The following KIAA1958 variants were observed in gnomAD, a reference collection of about 807,000 sequenced individuals.
KIAA1958 encodes KIAA1958, also known as uncharacterized protein KIAA1958.
Under a neutral mutation model 47.2 loss-of-function variants are expected in KIAA1958, and 14 were observed. The observed-to-expected ratio is 0.30, with a 90% CI of 0.20 to 0.46. KIAA1958 has a LOEUF of 0.46. Among genes scored for constraint, KIAA1958 ranks in the 20% least tolerant of loss-of-function variants. KIAA1958 has a pLI of 1.00. For missense variants in KIAA1958, 803 were observed against 909.2 expected (o/e 0.88, Z 1.50); for synonymous variants, 354 against 353.3 (o/e 1.00, Z -0.02).
In KIAA1958 at chr9:112,660,139, C is replaced by T; in HGVS notation, c.*70C>T. On this transcript the variant is annotated 3_prime_UTR_variant, in exon 4 of 4. Transcript: ENST00000337530. ...AGCCAGGGTTGGAGCAGCTGGAGCT[C>T]CTTGGAGGCAGGGGCTGACCAGGTG... The T allele has an allele frequency of 7.0e-7, 1 of 1,423,206 alleles. No homozygotes were observed. The highest frequency in any genetic ancestry group is 9.7e-7 in the Non-Finnish European group (1 of 1,032,798). 88.2% of individuals were successfully genotyped at this position (1,423,206 alleles called of 1,614,324 possible). A position where few individuals can be genotyped will look rare whatever the true frequency, so the allele number is the denominator to read the frequency against.
chr9:112,498,499 A>C (rs1201250006), intron 1 of KIAA1958, among the ~76,000 whole-genome samples: 1 of 152,212 alleles, frequency 6.6e-6, no homozygotes, highest in Non-Finnish European at 1.5e-5. Flanking sequence ...TAAAATCCAT[A>C]AAATTCACGG....
At chr9:112,651,958 A>G (rs181452427) in intron 3 of KIAA1958, among the ~76,000 whole-genome samples, 113 of 152,298 alleles carry the variant, frequency 7.4e-4, no homozygotes, top group African/African-American at 2.7e-3. Flanking sequence ...GAAATAAAAA[A>G]TATGCTCAAG....
In KIAA1958 at chr9:112,659,326, G is replaced by A. The variant is rs1471669918; in HGVS notation, c.1408G>A (p.Gly470Ser). ...TTATGTCACCGTCAAGAAGAGCGAC[G>A]GCTCGGACTTCCTGGCCACCTCGCT... ...NFYVTVKKSD[G>S]SDFLATSLHA... The change falls in exon 4 of 4, where the codon GGC becomes AGC. Residue 470 changes from glycine (G) to serine (S), a missense_variant. This residue lies in a region of KIAA1958 where 761 missense variants were observed against 829.3 expected (regional missense o/e 0.92). Transcript: ENST00000337530. The A allele has an allele frequency of 8.1e-6, 13 of 1,613,914 alleles. No homozygotes were observed. The Admixed American group carries it at 1.8e-4, about 23-fold the overall frequency.
At chr9:112,512,724 G>C (rs1834343616) in intron 1 of KIAA1958, among the ~76,000 whole-genome samples, 1 of 151,624 alleles carries the variant, frequency 6.6e-6, no homozygotes, top group African/African-American at 2.4e-5. Context: ...GTCTAGCAGG[G>C]GAGACAAGTT....
chr9:112,514,388 C>T (rs1587996170), intron 1 of KIAA1958, among the ~76,000 whole-genome samples: 1 of 33,128 alleles, frequency 3.0e-5, no homozygotes, highest in Non-Finnish European at 5.4e-5. Context: ...CCGTGCCATC[C>T]GGGAGGGAGG....
intron 1 of KIAA1958, among the ~76,000 whole-genome samples, chr9:112,498,075 G>A (rs1834074680): frequency 6.6e-6 from 1 of 152,116 alleles, no homozygotes; most frequent in Non-Finnish European, 1.5e-5. Context: ...ATTTGTTGCA[G>A]GGAGTTTAAT....
chr9:112,596,154 C>G (rs891034837), intron 2 of KIAA1958, among the ~76,000 whole-genome samples: 1 of 151,970 alleles, frequency 6.6e-6, no homozygotes, highest in Admixed American at 6.6e-5. Flanking sequence ...GTGAAATGAC[C>G]GATTATAGTT....
chr9:112,552,733 G>A (rs908075987), intron 1 of KIAA1958, among the ~76,000 whole-genome samples: 4 of 152,208 alleles, frequency 2.6e-5, no homozygotes, highest in Non-Finnish European at 4.4e-5. Flanking sequence ...CATGTGTAGG[G>A]TGGAACATTG....
chr9:112,541,410 A>T (rs1323498983), intron 1 of KIAA1958, among the ~76,000 whole-genome samples: 1 of 152,174 alleles, frequency 6.6e-6, no homozygotes, highest in Admixed American at 6.5e-5. Flanking sequence ...TAATACCCAA[A>T]GGTAGAGGGT....
intron 1 of KIAA1958, among the ~76,000 whole-genome samples, chr9:112,492,811 G>A (rs1208446668): frequency 3.9e-5 from 6 of 151,920 alleles, no homozygotes; most frequent in Non-Finnish European, 8.8e-5. Flanking sequence ...GCGCACTAAC[G>A]TGATCACAGC....
chr9:112,608,985 C>T (rs770886328), intron 2 of KIAA1958, among the ~76,000 whole-genome samples: 1 of 152,158 alleles, frequency 6.6e-6, no homozygotes, highest in Non-Finnish European at 1.5e-5. Flanking sequence ...TTCTTTACTC[C>T]TAAAAGGAGA....
chr9:112,531,311 C>G (rs1834748250), intron 1 of KIAA1958, among the ~76,000 whole-genome samples: 1 of 152,144 alleles, frequency 6.6e-6, no homozygotes, highest in African/African-American at 2.4e-5. Context: ...TCACTTGAAC[C>G]CGGGAGGCAG....
intron 1 of KIAA1958, among the ~76,000 whole-genome samples, chr9:112,568,649 G>A (rs1210235941): frequency 6.6e-6 from 1 of 152,034 alleles, no homozygotes; most frequent in Non-Finnish European, 1.5e-5. Flanking sequence ...TTGGGAGGCT[G>A]AGGTAGATCG....
rs564515304 is a variant in KIAA1958 at position 112,586,941 on chromosome 9, G to A, written c.1171+11690G>A. On this transcript the variant is annotated intron_variant, in intron 2 of 3. Coordinates refer to ENST00000337530, the MANE Select transcript of KIAA1958 (RefSeq NM_133465.4). The stretch of plus-strand genomic sequence containing the variant: ...TCCCATTAATTCAAATGTTATTGCC[G>A]TGTCTATTTTCATTAGCAAAGCAGC... 7.9e-5 allele frequency among the ~76,000 whole-genome samples: 12 copies of A among 152,232 alleles called. No individual in the cohort carries two copies. In the South Asian group the frequency reaches 1.0e-3, roughly 13 times the overall value.
chr9:112,540,184 A>G (rs1834917135), intron 1 of KIAA1958, among the ~76,000 whole-genome samples: 1 of 152,206 alleles, frequency 6.6e-6, no homozygotes, highest in African/African-American at 2.4e-5. Context: ...ATAGGTTGCC[A>G]GTTTGGGTTA....
intron 2 of KIAA1958, among the ~76,000 whole-genome samples, chr9:112,626,931 T>A (rs1391565082): frequency 6.6e-6 from 1 of 152,144 alleles, no homozygotes; most frequent in Admixed American, 6.5e-5. Flanking sequence ...TTCATATGTG[T>A]GTTTGTGGTG....
At chr9:112,516,683 TC>T (rs1564155802) in intron 1 of KIAA1958, among the ~76,000 whole-genome samples, 1 of 152,258 alleles carries the variant, frequency 6.6e-6, no homozygotes, top group Non-Finnish European at 1.5e-5. Context: ...GACTTACATT[TC>T]CTGGCTTCAT....
chr9:112,599,114 G>C (rs764141163), intron 2 of KIAA1958, among the ~76,000 whole-genome samples: 3 of 152,076 alleles, frequency 2.0e-5, no homozygotes, highest in Non-Finnish European at 4.4e-5. Flanking sequence ...ATTTTGCATT[G>C]GAAAGCTATG....
intron 2 of KIAA1958, among the ~76,000 whole-genome samples, chr9:112,584,681 A>T (rs766048239): frequency 1.3e-5 from 2 of 152,240 alleles, no homozygotes; most frequent in Non-Finnish European, 2.9e-5. Context: ...AATGTCTGTT[A>T]TCTATGCAGT....
Sources: allele counts gnomAD v4.1 joint callset (sites outside exome capture counted in the v4.1 genomes callset), GRCh38; gene constraint gnomAD v4.1.1; regional missense constraint gnomAD v4.1.1; transcripts MANE v1.5; gene names NCBI Gene and HGNC (gene_info 2026-07-23, HGNC 2026-07-21).